Variants in SHISA9 observed in about 807,000 individuals in gnomAD.
SHISA9 encodes the protein shisa family member 9, also known as protein shisa-9.
Under a neutral mutation model 38.0 loss-of-function variants are expected in SHISA9, and 13 were observed. The ratio of observed to expected loss-of-function variants is 0.34; its 90% CI spans 0.22 to 0.54. The LOEUF is 0.54. Ranked by LOEUF, SHISA9 falls within the 20% of genes least tolerant of loss-of-function variation. SHISA9 has a pLI of 0.91. For synonymous variants in SHISA9, 275 were observed against 242.0 expected (o/e 1.14, Z -1.27); for missense variants, 538 against 575.8 (o/e 0.93, Z 0.67).
chr16:13,249,986 G>A, the SHISA9 span, among the ~76,000 whole-genome samples: 2 of 152,008 alleles, frequency 1.3e-5, no homozygotes, highest in East Asian at 1.9e-4. Context: ...CTTCCGCCTC[G>A]GTCTGCTGAG....
the SHISA9 span, among the ~76,000 whole-genome samples, chr16:13,434,447 T>G: frequency 6.6e-6 from 1 of 151,346 alleles, no homozygotes; most frequent in Non-Finnish European, 1.5e-5. Context: ...AGATCGAGTT[T>G]CAGTCTGTCA....
At chr16:13,456,526 C>G in the SHISA9 span, among the ~76,000 whole-genome samples, 1 of 152,194 alleles carries the variant, frequency 6.6e-6, no homozygotes, top group African/African-American at 2.4e-5. Context: ...AAGAATTAAT[C>G]ATATCCAAAG....
chr16:13,550,036 A>AG, the SHISA9 span, among the ~76,000 whole-genome samples: 1 of 151,162 alleles, frequency 6.6e-6, no homozygotes, highest in African/African-American at 2.4e-5. Context: ...AAAAAAAAAA[A>AG]TAAAGTATAT....
At chr16:12,937,809 A>T (rs2071553618) in intron 2 of SHISA9, among the ~76,000 whole-genome samples, 1 of 152,222 alleles carries the variant, frequency 6.6e-6, no homozygotes, top group Non-Finnish European at 1.5e-5. Flanking sequence ...GGGTTTCAAC[A>T]TATGAATTTT....
At chr16:13,373,670 G>C in the SHISA9 span, among the ~76,000 whole-genome samples, 1 of 151,636 alleles carries the variant, frequency 6.6e-6, no homozygotes, top group African/African-American at 2.4e-5. Flanking sequence ...ACTGACACAG[G>C]AGAATTGCTT....
the SHISA9 span, among the ~76,000 whole-genome samples, chr16:13,487,171 T>C: frequency 2.0e-5 from 3 of 152,248 alleles, no homozygotes; most frequent in African/African-American, 7.2e-5. Context: ...TCCAGGACCC[T>C]GGCAGATACC....
chr16:13,251,052 C>A, the SHISA9 span, among the ~76,000 whole-genome samples: 1 of 152,158 alleles, frequency 6.6e-6, no homozygotes, highest in African/African-American at 2.4e-5. Flanking sequence ...CACGTTTCTT[C>A]ACCTGCACGA....
At chr16:13,337,461 C>A in the SHISA9 span, among the ~76,000 whole-genome samples, 32 of 152,152 alleles carry the variant, frequency 2.1e-4, 1 homozygote, top group Middle Eastern at 3.4e-3. Flanking sequence ...AAACCTCTTT[C>A]TTTTGTAAAT....
chr16:13,043,976 A>G (rs1486364152), intron 2 of SHISA9, among the ~76,000 whole-genome samples: 1 of 152,056 alleles, frequency 6.6e-6, no homozygotes, highest in Admixed American at 6.6e-5. Context: ...ATAATATTTT[A>G]TTTCTCTTTG....
At chr16:13,124,945 C>T (rs1384561581) in intron 2 of SHISA9, among the ~76,000 whole-genome samples, 1 of 152,146 alleles carries the variant, frequency 6.6e-6, no homozygotes, top group Non-Finnish European at 1.5e-5. Flanking sequence ...ATCCCTCTCT[C>T]TCACCATATA....
At chr16:12,923,590 T>A (rs2071356276) in intron 2 of SHISA9, among the ~76,000 whole-genome samples, 2 of 152,118 alleles carry the variant, frequency 1.3e-5, no homozygotes, top group Admixed American at 1.3e-4. Flanking sequence ...TATTGAGATT[T>A]ATTGTAGCTG....
the SHISA9 span, among the ~76,000 whole-genome samples, chr16:13,268,560 C>G: frequency 5.3e-5 from 8 of 152,062 alleles, no homozygotes; most frequent in Non-Finnish European, 1.0e-4. Context: ...TCATGTTGTA[C>G]AAGACTTAGC....
intron 2 of SHISA9, among the ~76,000 whole-genome samples, chr16:13,030,558 G>GGA (rs2072978835): frequency 6.6e-6 from 1 of 152,152 alleles, no homozygotes; most frequent in Admixed American, 6.5e-5. Flanking sequence ...ACTCAAAAAT[G>GGA]ATTTCAGAGC....
At chr16:13,560,892 C>T in the SHISA9 span, among the ~76,000 whole-genome samples, 22 of 151,920 alleles carry the variant, frequency 1.4e-4, no homozygotes, top group Non-Finnish European at 2.8e-4. Context: ...GAGACAGGGT[C>T]TCTCTCTGTC....
chr16:13,038,563 C>T (rs755210902), intron 2 of SHISA9, among the ~76,000 whole-genome samples: 2 of 152,230 alleles, frequency 1.3e-5, no homozygotes, highest in South Asian at 2.1e-4. Context: ...CTGACTAGAA[C>T]GCTTGCATCC....
At chr16:13,187,328 C>CTTTTTTTTTTTTTTT (rs372286181) in intron 2 of SHISA9, among the ~76,000 whole-genome samples, 18 of 90,666 alleles carry the variant, frequency 2.0e-4, no homozygotes, top group East Asian at 8.7e-4. Flanking sequence ...CTTTTCTTTT[C>CTTTTTTTTTTTTTTT]TTTTTTTTTT....
the SHISA9 span, among the ~76,000 whole-genome samples, chr16:13,510,791 G>A: frequency 1.3e-5 from 2 of 148,632 alleles, no homozygotes; most frequent in Non-Finnish European, 3.0e-5. Context: ...AATTTTCTGG[G>A]TTTTTTTTTT....
At chr16:13,439,092 A>T in the SHISA9 span, among the ~76,000 whole-genome samples, 63 of 152,320 alleles carry the variant, frequency 4.1e-4, no homozygotes, top group African/African-American at 1.5e-3. Context: ...CTCACTTACA[A>T]CTTAAAAAAA....
intron 2 of SHISA9, among the ~76,000 whole-genome samples, chr16:13,150,898 T>C (rs2050493366): frequency 6.6e-6 from 1 of 152,164 alleles, no homozygotes; most frequent in African/African-American, 2.4e-5. Flanking sequence ...CCCCAAATAA[T>C]CCTTCCCTCA....
Sources: gnomAD v4.1 joint callset for allele counts (sites outside exome capture counted in the v4.1 genomes callset) on GRCh38, gnomAD v4.1.1 for gene constraint, MANE v1.5 for transcripts, NCBI Gene and HGNC (gene_info 2026-07-23, HGNC 2026-07-21) for gene names.